Variants in WDR72 observed in about 807,000 individuals in gnomAD.
WDR72 encodes WD repeat domain 72.
Under a neutral mutation model 124.2 loss-of-function variants are expected in WDR72, and 120 were observed. The ratio of observed to expected loss-of-function variants is 0.97; its 90% CI spans 0.83 to 1.12. WDR72 has a LOEUF of 1.12. Among genes scored for constraint, WDR72 ranks in the 50% most tolerant of loss-of-function variants. The probability of loss-of-function intolerance (pLI) is 0.00; values close to 1 mark genes in which losing one functional copy is unlikely to be tolerated. For missense variants in WDR72, 1,387 were observed against 1,278.8 expected (o/e 1.08, Z -1.29); for synonymous variants, 452 against 441.7 (o/e 1.02, Z -0.29).
At position 53,516,381 on chromosome 15, in the gene WDR72, C is replaced by T. The variant is rs1566935825; in HGVS notation, c.*1318G>A. On this transcript the variant is annotated 3_prime_UTR_variant, in exon 20 of 20. Transcript: ENST00000360509. ...TACACAGTTCTCTTTTCTAATTTCCCCATCTCCTGTCTACTGCATCCCAGC... is the reference window on the plus strand; with the variant it reads ...TACACAGTTCTCTTTTCTAATTTCCTCATCTCCTGTCTACTGCATCCCAGC... 5 of 152,082 alleles carry T rather than the reference C, an allele frequency of 3.3e-5. No individual in the cohort carries two copies. The allele number at this position is 152,082 out of a possible 1,614,324, so 9.4% of individuals were successfully genotyped here. A position where few individuals can be genotyped will look rare whatever the true frequency, so the allele number is the denominator to read the frequency against.
intron 13 of WDR72, among the ~76,000 whole-genome samples, chr15:53,677,702 G>T (rs756343502): frequency 6.6e-5 from 10 of 152,100 alleles, no homozygotes. Context: ...CCCCAGACAC[G>T]TGGAACTGTG....
chr15:53,675,331 G>T (rs1259488774), intron 13 of WDR72, among the ~76,000 whole-genome samples: 1 of 120,280 alleles, frequency 8.3e-6, no homozygotes, highest in African/African-American at 3.5e-5. Context: ...GACAGAGTGA[G>T]ACTCTGTCTC....
intron 14 of WDR72, among the ~76,000 whole-genome samples, chr15:53,660,146 G>T (rs1159931846): frequency 1.3e-5 from 2 of 151,634 alleles, no homozygotes; most frequent in Non-Finnish European, 2.9e-5. Flanking sequence ...ATCAAAAAGG[G>T]AAAATTTTCA....
chr15:53,624,503 A>G (rs74846256), intron 14 of WDR72, among the ~76,000 whole-genome samples: 2,145 of 152,288 alleles, frequency 0.014, 43 homozygotes, highest in East Asian at 0.078. Context: ...TGATTCGAGC[A>G]ATATTTCTTG....
At chr15:53,534,032 G>T (rs1006871731) in intron 18 of WDR72, among the ~76,000 whole-genome samples, 1 of 152,146 alleles carries the variant, frequency 6.6e-6, no homozygotes, top group Admixed American at 6.5e-5. Flanking sequence ...TGAGGCTGAT[G>T]TTATGAGGAT....
At chr15:53,725,004 G>GA in intron 2 of WDR72, among the ~76,000 whole-genome samples, 1 of 151,686 alleles carries the variant, frequency 6.6e-6, no homozygotes, top group East Asian at 1.9e-4. Context: ...AAAAGATCAA[G>GA]AAAATAAGAA....
intron 18 of WDR72, among the ~76,000 whole-genome samples, chr15:53,575,310 C>G (rs1894713237): frequency 6.6e-6 from 1 of 152,046 alleles, no homozygotes; most frequent in South Asian, 2.1e-4. Flanking sequence ...TACATTACAC[C>G]AAGGAGATGC....
chr15:53,655,407 T>C (rs2015387169), intron 14 of WDR72, among the ~76,000 whole-genome samples: 1 of 152,092 alleles, frequency 6.6e-6, no homozygotes, highest in Non-Finnish European at 1.5e-5. Context: ...TCAGGTATCC[T>C]CTTAGATTTG....
chr15:53,621,429 T>TAA (rs1566988971), intron 14 of WDR72, among the ~76,000 whole-genome samples: 6 of 78,472 alleles, frequency 7.6e-5, no homozygotes, highest in Non-Finnish European at 1.1e-4. Context: ...AAAGAAACTG[T>TAA]GATATATATA....
At chr15:53,650,893 G>GTTTTTTTTTTT (rs71297666) in intron 14 of WDR72, among the ~76,000 whole-genome samples, 8 of 106,778 alleles carry the variant, frequency 7.5e-5, no homozygotes, top group African/African-American at 2.6e-4. Flanking sequence ...CTCTAATTCA[G>GTTTTTTTTTTT]TTTTTTTTTT....
At chr15:53,554,383 T>A (rs1893849302) in intron 18 of WDR72, among the ~76,000 whole-genome samples, 1 of 152,118 alleles carries the variant, frequency 6.6e-6, no homozygotes, top group Non-Finnish European at 1.5e-5. Context: ...CATATATTTA[T>A]CACAATTTCC....
chr15:53,646,884 A>G (rs80088493), intron 14 of WDR72, among the ~76,000 whole-genome samples: 1 of 152,238 alleles, frequency 6.6e-6, no homozygotes, highest in East Asian at 1.9e-4. Context: ...AAAATAAAAA[A>G]GGGAATAATT....
intron 3 of WDR72, among the ~76,000 whole-genome samples, chr15:53,717,431 G>A (rs28368274): frequency 1.3e-5 from 2 of 152,052 alleles, no homozygotes; most frequent in African/African-American, 2.4e-5. Context: ...CCTTAAAGGA[G>A]ATACTGCCAT....
chr15:53,708,302 A>G (rs1395713202), intron 9 of WDR72, among the ~76,000 whole-genome samples: 1 of 152,150 alleles, frequency 6.6e-6, no homozygotes, highest in African/African-American at 2.4e-5. Flanking sequence ...CTATTGAAAG[A>G]GCAAGTTGGT....
chr15:53,630,665 A>T (rs1425493950), intron 14 of WDR72, among the ~76,000 whole-genome samples: 1 of 152,226 alleles, frequency 6.6e-6, no homozygotes, highest in Admixed American at 6.5e-5. Context: ...ACACAATTTC[A>T]TAATAAAAAA....
chr15:53,561,351 A>G (rs1307836276), intron 18 of WDR72, among the ~76,000 whole-genome samples: 1 of 151,844 alleles, frequency 6.6e-6, no homozygotes, highest in Admixed American at 6.6e-5. Flanking sequence ...TCCAGAACCC[A>G]AATTCATATC....
At position 53,516,997 on chromosome 15, in the gene WDR72, C is replaced by T. The variant is rs151023186; in HGVS notation, c.*702G>A. 6.6e-6 allele frequency: 1 copy of T among 152,146 alleles called. No individual in the cohort carries two copies. The highest frequency in any genetic ancestry group is 1.5e-5 in the Non-Finnish European group (1 of 67,974). The allele number at this position is 152,146 out of a possible 1,614,324, so 9.4% of individuals were successfully genotyped here. A position where few individuals can be genotyped will look rare whatever the true frequency, so the allele number is the denominator to read the frequency against. On this transcript the variant is annotated 3_prime_UTR_variant, in exon 20 of 20. Coordinates refer to ENST00000360509, the MANE Select transcript of WDR72 (RefSeq NM_182758.4). Reference sequence around the variant, plus strand: ...GTAAGTTGATTCCCCTTCCCTAGTTCACATCTATATGGCCAACAAGATCAA... The same window carrying T: ...GTAAGTTGATTCCCCTTCCCTAGTTTACATCTATATGGCCAACAAGATCAA...
chr15:53,535,879 G>A (rs1371419084), intron 18 of WDR72, among the ~76,000 whole-genome samples: 1 of 152,100 alleles, frequency 6.6e-6, no homozygotes, highest in Non-Finnish European at 1.5e-5. Context: ...GCTCAAGGCT[G>A]ACACTCAGAT....
intron 18 of WDR72, among the ~76,000 whole-genome samples, chr15:53,540,351 T>C (rs1276348634): frequency 6.6e-6 from 1 of 152,114 alleles, no homozygotes; most frequent in Admixed American, 6.5e-5. Flanking sequence ...CCACATCTTA[T>C]TTTCCGGAGT....
Sources: allele counts gnomAD v4.1 joint callset (sites outside exome capture counted in the v4.1 genomes callset), GRCh38; gene constraint gnomAD v4.1.1; transcripts MANE v1.5; gene names NCBI Gene and HGNC (gene_info 2026-07-23, HGNC 2026-07-21).